DHX35: variants seen among roughly 807,000 people sequenced by gnomAD.
DHX35 encodes DEAH-box helicase 35.
Under a neutral mutation model 99.6 loss-of-function variants are expected in DHX35, and 84 were observed. The observed-to-expected ratio is 0.84, with a 90% CI of 0.71 to 1.01. DHX35 has a LOEUF of 1.01. Among genes scored for constraint, DHX35 ranks in the 50% least tolerant of loss-of-function variants. DHX35 has a pLI of 0.00. For synonymous variants in DHX35, 331 were observed against 316.2 expected (o/e 1.05, Z -0.50); for missense variants, 852 against 888.5 (o/e 0.96, Z 0.52).
chr20:39,031,211 C>G (rs994459276), intron 20 of DHX35, among the ~76,000 whole-genome samples: 11 of 151,904 alleles, frequency 7.2e-5, no homozygotes, highest in Admixed American at 6.6e-5. Flanking sequence ...CTTAAGCAAA[C>G]AGTGATATTT....
At chr20:39,024,501 A>C (rs927482479) in intron 17 of DHX35, among the ~76,000 whole-genome samples, 1 of 152,092 alleles carries the variant, frequency 6.6e-6, no homozygotes, top group East Asian at 1.9e-4. Flanking sequence ...AAAGAAATTC[A>C]CTCTTTTTGA....
Position 39,023,952 on chromosome 20 carries a change from G to A in DHX35, c.1671+185G>A, listed in dbSNP as rs745948614. On this transcript the variant is annotated intron_variant, in intron 17 of 21. Coordinates refer to ENST00000252011, the MANE Select transcript of DHX35 (RefSeq NM_021931.4). ...GCTTTCTGCCTGAGTTTGTGGTGAGGTATTGCTGAGAAGAACACAGGAATC... is the reference window on the plus strand; with the variant it reads ...GCTTTCTGCCTGAGTTTGTGGTGAGATATTGCTGAGAAGAACACAGGAATC... Among the ~76,000 whole-genome samples, 21 of 152,202 alleles carry A rather than the reference G, an allele frequency of 1.4e-4. 1 individual carries two copies. The highest frequency in any genetic ancestry group is 5.9e-5 in the Non-Finnish European group (4 of 68,046).
rs367950059 is a variant in DHX35 at position 39,018,760 on chromosome 20, C to T, written c.1403-44C>T. ...CTCAGCAACTGTGTGCCTTCCAACA[C>T]AATGGTACCTGCCTTCTGATTTCTT... On this transcript the variant is annotated intron_variant, in intron 14 of 21. Coordinates refer to ENST00000252011, the MANE Select transcript of DHX35 (RefSeq NM_021931.4). The T allele has an allele frequency of 1.8e-5, 28 of 1,583,268 alleles. No homozygotes were observed. In the African/African-American group the frequency reaches 2.4e-4, roughly 14 times the overall value.
intron 20 of DHX35, among the ~76,000 whole-genome samples, chr20:39,031,151 G>C (rs1369475081): frequency 6.6e-6 from 1 of 150,740 alleles, no homozygotes; most frequent in Non-Finnish European, 1.5e-5. Flanking sequence ...GACAGAGTGA[G>C]ATTCCATGTC....
intron 19 of DHX35, among the ~76,000 whole-genome samples, chr20:39,028,897 A>G (rs1206523962): frequency 6.6e-6 from 1 of 152,228 alleles, no homozygotes; most frequent in African/African-American, 2.4e-5. Context: ...CCACCCTGGT[A>G]TAGTGTGGCC....
intron 3 of DHX35, among the ~76,000 whole-genome samples, chr20:38,977,541 A>G (rs545965803): frequency 6.6e-6 from 1 of 152,262 alleles, no homozygotes; most frequent in African/African-American, 2.4e-5. Context: ...TCCTATCATG[A>G]CATTCCATAC....
At chr20:38,979,243 A>G (rs1162014295) in intron 3 of DHX35, among the ~76,000 whole-genome samples, 1 of 152,016 alleles carries the variant, frequency 6.6e-6, no homozygotes. Flanking sequence ...GGTTGTTTAC[A>G]GTTTTGTATT....
chr20:39,038,485 C>T lies in DHX35; in HGVS notation c.2068-14C>T, dbSNP rs753019674. On this transcript the variant is annotated splice_polypyrimidine_tract_variant and intron_variant, in intron 21 of 21. Transcript: ENST00000252011. ...TAATCAACCCCAACTGTAGTGTCTT[C>T]TCTTCTGTTGCAGCACCTGTCTCTG... 1 of 1,613,676 alleles carries T rather than the reference C, an allele frequency of 6.2e-7. No homozygotes were observed. Among genetic ancestry groups the T allele is most frequent in the Non-Finnish European group, 8.5e-7 (1 of 1,180,008 alleles).
At chr20:38,970,229 T>G (rs2085973956) in intron 2 of DHX35, among the ~76,000 whole-genome samples, 1 of 152,228 alleles carries the variant, frequency 6.6e-6, no homozygotes, top group Non-Finnish European at 1.5e-5. Context: ...TGCCAAGTTC[T>G]TATACTCATG....
At position 38,994,888 on chromosome 20, in the gene DHX35, C is replaced by T. The variant is rs1194709725; in HGVS notation, c.642+8C>T. On this transcript the variant is annotated splice_region_variant and intron_variant, in intron 8 of 21. Transcript: ENST00000252011. ...GCCACTCTGGATGCAGACGTAAGAGCCTTGCCTCCCCTTTCCTCCTCTCCT... is the reference window on the plus strand; with the variant it reads ...GCCACTCTGGATGCAGACGTAAGAGTCTTGCCTCCCCTTTCCTCCTCTCCT... 2.5e-6 allele frequency: 4 copies of T among 1,612,842 alleles called. No individual in the cohort carries two copies. The South Asian group carries it at 4.4e-5, about 18-fold the overall frequency.
At chr20:39,025,998 G>C (rs2086950980) in intron 18 of DHX35, among the ~76,000 whole-genome samples, 1 of 152,162 alleles carries the variant, frequency 6.6e-6, no homozygotes, top group African/African-American at 2.4e-5. Flanking sequence ...ATTAAATTCA[G>C]GACCACGCAA....
At position 39,038,370 on chromosome 20, in the gene DHX35, G is replaced by T; in HGVS notation, c.2068-129G>T. ...TTCCTTCCAGGCTGTTTCATGAACA[G>T]CTCAGCATTTACTGGGAAGGTGTGG... On this transcript the variant is annotated intron_variant, in intron 21 of 21. Coordinates refer to ENST00000252011, the MANE Select transcript of DHX35 (RefSeq NM_021931.4). 1.9e-6 allele frequency: 2 copies of T among 1,060,632 alleles called. 1 individual carries two copies. The highest frequency in any genetic ancestry group is 2.9e-5 in the South Asian group (2 of 68,808). The allele number at this position is 1,060,632 out of a possible 1,614,324, so 65.7% of individuals were successfully genotyped here.
chr20:39,021,926 GTC>G lies in DHX35; in HGVS notation c.1587_1588del (p.His530ArgfsTer7). 1.2e-6 allele frequency: 2 copies of G among 1,614,142 alleles called. No homozygotes were observed. The highest frequency in any genetic ancestry group is 2.2e-5 in the South Asian group (2 of 91,080). On this transcript the variant is annotated frameshift_variant, in exon 16 of 22. Transcript: ENST00000252011. LOFTEE classifies it high-confidence loss of function. ...TCTTTGTGGTCCCCCCAAACCAGAA[GTC>G]TCACGCAGTAAGTCAGCTCTGTCCC... Reference protein sequence around the residue: ...NIFVVPPNQKSHAIRVHRKFA... With the variant: ...NIFVVPPNQKXHAIRVHRKFA...
Position 38,980,563 on chromosome 20 carries a change from A to G in DHX35, c.268-3136A>G, listed in dbSNP as rs569414909. Among the ~76,000 whole-genome samples, 120 of 132,804 alleles carry G rather than the reference A, an allele frequency of 9.0e-4. 1 individual carries two copies. Among genetic ancestry groups the G allele is most frequent in the African/African-American group, 3.3e-3 (118 of 35,510 alleles). The allele number at this position is 132,804 out of a possible 152,430, so 87.1% of individuals were successfully genotyped here. ...ATTGGGGTGGTTGGTAGTATTTTGT[A>G]TATGTATTTAATACAAGATAAACTT... is the stretch of plus-strand genomic sequence containing the variant. On this transcript the variant is annotated intron_variant, in intron 3 of 21. Transcript: ENST00000252011.
At chr20:38,974,100 A>G (rs1354960244) in intron 3 of DHX35, among the ~76,000 whole-genome samples, 1 of 152,214 alleles carries the variant, frequency 6.6e-6, no homozygotes, top group Non-Finnish European at 1.5e-5. Flanking sequence ...CAACTTTAGT[A>G]AATAATGTCT....
chr20:39,036,842 G>A (rs1450520908), intron 21 of DHX35, among the ~76,000 whole-genome samples: 1 of 151,804 alleles, frequency 6.6e-6, no homozygotes, highest in Non-Finnish European at 1.5e-5. Flanking sequence ...ATAGTCCAAG[G>A]GCACTTCTAC....
intron 3 of DHX35, 97 bp downstream of exon 3, chr20:38,972,748 T>G: frequency 1.3e-6 from 1 of 780,332 alleles, no homozygotes; most frequent in Non-Finnish European, 2.1e-6. Flanking sequence ...ATTTTTAAGG[T>G]CTCCTTTCAG....
intron 1 of DHX35, among the ~76,000 whole-genome samples, chr20:38,966,427 C>T (rs898826049): frequency 2.0e-5 from 3 of 152,140 alleles, no homozygotes; most frequent in East Asian, 1.9e-4. Flanking sequence ...CCTAGCACTT[C>T]GGGAGGTCGA....
Position 39,002,809 on chromosome 20 carries a change from G to T in DHX35, c.793G>T (p.Val265Leu). Residue 265 changes from valine (V) to leucine (L), a missense_variant, in exon 10 of 22, where the codon GTG (valine) becomes TTG (leucine). Coordinates refer to ENST00000252011, the MANE Select transcript of DHX35 (RefSeq NM_021931.4). Reference protein sequence around the residue: ...PDYIKSTVETVVKIHQTEGDG... With the variant: ...PDYIKSTVETLVKIHQTEGDG... ...TTATATCAAATCAACTGTCGAAACT[G>T]TGGTGAAAATTCACCAGACAGAGGG... 1.2e-6 allele frequency: 2 copies of T among 1,614,178 alleles called. No homozygotes were observed. Among genetic ancestry groups the T allele is most frequent in the Non-Finnish European group, 1.7e-6 (2 of 1,180,024 alleles).
Sources: gnomAD v4.1 joint callset for allele counts (sites outside exome capture counted in the v4.1 genomes callset) on GRCh38, gnomAD v4.1.1 for gene constraint, MANE v1.5 for transcripts, NCBI Gene and HGNC (gene_info 2026-07-23, HGNC 2026-07-21) for gene names.